SYNE1: variants seen among roughly 807,000 people sequenced by gnomAD.
SYNE1 encodes the protein nesprin-1.
SYNE1 carries 616 observed loss-of-function variants against 1,111.0 expected under a neutral mutation model. That is an observed-to-expected ratio of 0.55 (90% CI 0.52 to 0.59). The LOEUF (loss-of-function observed/expected upper bound fraction) is 0.59. SYNE1 is among the 20% of genes least tolerant of loss of function. SYNE1 has a pLI of 0.00. For synonymous variants in SYNE1, 3,855 were observed against 3,825.8 expected (o/e 1.01, Z -0.28); for missense variants, 10,006 against 10,417.0 (o/e 0.96, Z 1.72).
chr6:152,416,393 T>C lies in SYNE1; in HGVS notation c.6044A>G (p.Gln2015Arg). 1 of 1,614,088 alleles carries C rather than the reference T, an allele frequency of 6.2e-7. No individual in the cohort carries two copies. Among genetic ancestry groups the C allele is most frequent in the Non-Finnish European group, 8.5e-7 (1 of 1,180,048 alleles). The change falls in exon 41 of 146, where the codon CAG becomes CGG. Residue 2015 changes from glutamine (Q) to arginine (R), a missense_variant. Gln to Arg is a conservative substitution (Grantham distance 43). Transcript: ENST00000367255. ...GTGACAGTTTCCTATTTACCTCTGC[T>C]GAAGAGCTTGGCGGGTAGGTTCTTT... is the stretch of plus-strand genomic sequence containing the variant. ...RLKEPTRQAL[Q>R]QRLRVFNQLE...
chr6:152,294,031 G>A lies in SYNE1; in HGVS notation c.17779C>T (p.Pro5927Ser). The change falls in exon 94 of 146, where the codon CCG becomes TCG. Residue 5927 changes from proline (P) to serine (S), a missense_variant. Physicochemically the swap from Pro to Ser is moderately conservative, Grantham distance 74. Transcript: ENST00000367255. Reference sequence around the variant, plus strand: ...GCAGTAGCGGATGGCTCCAATCCCGGTTCATAGAACTCCTGGGATGCGGAT... The same window carrying A: ...GCAGTAGCGGATGGCTCCAATCCCGATTCATAGAACTCCTGGGATGCGGAT... ...STSASQEFYEPGLEPSATAKL... is the reference protein window; with the variant it reads ...STSASQEFYESGLEPSATAKL... 1.2e-6 allele frequency: 2 copies of A among 1,614,062 alleles called. No individual in the cohort carries two copies. Among genetic ancestry groups the A allele is most frequent in the South Asian group, 1.1e-5 (1 of 91,080 alleles).
chr6:152,315,819 G>T (rs553315104), intron 87 of SYNE1: 97 of 152,234 alleles, frequency 6.4e-4, no homozygotes, highest in African/African-American at 2.3e-3. Context: ...GGAAGAATAC[G>T]CAAGATTGAT....
Position 152,391,415 on chromosome 6 carries a change from G to T in SYNE1, c.7866C>A (p.Ala2622=). ...TKEKLRSCQV[A]LQEHEALEEA... ...CCTCCAGGGCTTCGTGCTCCTGAAG[G>T]GCCACCTGGCAGCTCCGGAGTTTCT... The change falls in exon 52 of 146, where the codon GCC becomes GCA. Residue 2622 remains alanine, a synonymous_variant. Coordinates refer to ENST00000367255, the MANE Select transcript of SYNE1 (RefSeq NM_182961.4). The T allele has an allele frequency of 6.2e-7, 1 of 1,613,874 alleles. No homozygotes were observed. Among genetic ancestry groups the T allele is most frequent in the Non-Finnish European group, 8.5e-7 (1 of 1,179,956 alleles).
chr6:152,442,772 C>T (rs2098543614), intron 30 of SYNE1, among the ~76,000 whole-genome samples: 1 of 152,096 alleles, frequency 6.6e-6, no homozygotes, highest in African/African-American at 2.4e-5. Context: ...TAGCAAGACC[C>T]TGTTTCTACA....
chr6:152,409,455 C>T, intron 43 of SYNE1, 104 bp downstream of exon 43: 1 of 1,462,688 alleles, frequency 6.8e-7, no homozygotes, highest in East Asian at 2.4e-5. Context: ...CATGAATTAC[C>T]CACATCTAAG....
intron 9 of SYNE1, among the ~76,000 whole-genome samples, chr6:152,504,525 T>G (rs1039293703): frequency 2.0e-5 from 3 of 152,344 alleles, no homozygotes; most frequent in South Asian, 4.1e-4. Context: ...ACTGTATATT[T>G]ACATTTCTGC....
intron 126 of SYNE1, among the ~76,000 whole-genome samples, chr6:152,202,346 CAAAAAAA>C (rs35563822): frequency 1.9e-4 from 9 of 48,060 alleles, no homozygotes; most frequent in South Asian, 1.5e-3. Context: ...GACTCTGTCT[CAAAAAAA>C]AAAAAAAAAA....
In SYNE1 at chr6:152,183,186, T is replaced by C. The variant is rs1280850478; in HGVS notation, c.23302-2892A>G. ...CTGATCTCTCAGATTGAGAACTCTC[T>C]GGTGAATACGGCCTTTTCCCTTTCA... On this transcript the variant is annotated intron_variant, in intron 128 of 145. Coordinates refer to ENST00000367255, the MANE Select transcript of SYNE1 (RefSeq NM_182961.4). 2.0e-5 allele frequency among the ~76,000 whole-genome samples: 3 copies of C among 152,212 alleles called. No homozygotes were observed. In the East Asian group the frequency reaches 5.8e-4, roughly 29 times the overall value.
At chr6:152,275,880 CAA>C (rs756837860) in intron 98 of SYNE1, among the ~76,000 whole-genome samples, 2 of 86,932 alleles carry the variant, frequency 2.3e-5, no homozygotes, top group Admixed American at 2.4e-4. Flanking sequence ...GACCCTGTCT[CAA>C]AAAAAAAAAA....
At chr6:152,169,669 A>G (rs1332928238) in intron 130 of SYNE1, among the ~76,000 whole-genome samples, 2 of 148,964 alleles carry the variant, frequency 1.3e-5, no homozygotes, top group African/African-American at 4.9e-5. Flanking sequence ...ATCCAGGCAC[A>G]GTGGCATGCA....
intron 45 of SYNE1, among the ~76,000 whole-genome samples, chr6:152,406,598 T>G (rs956286854): frequency 6.6e-6 from 1 of 152,142 alleles, no homozygotes; most frequent in African/African-American, 2.4e-5. Context: ...TCTGGAACAG[T>G]GGCTCACACC....
intron 8 of SYNE1, among the ~76,000 whole-genome samples, chr6:152,509,248 C>CTTTTTTTTTTTTTTTTT: frequency 1.3e-5 from 1 of 75,792 alleles, no homozygotes; most frequent in Non-Finnish European, 2.6e-5. Context: ...TTTTCTTTTT[C>CTTTTTTTTTTTTTTTTT]TTTTTTTTTT....
In SYNE1 at chr6:152,125,422, T is replaced by C. The variant is rs2053059733; in HGVS notation, c.26154-2746A>G. On this transcript the variant is annotated intron_variant, in intron 145 of 145. Transcript: ENST00000367255. ...TGTGTGGACGTGGGGACATTTTGTTTTGAGGCAGTTACATGACCATGGGCA... is the reference window on the plus strand; with the variant it reads ...TGTGTGGACGTGGGGACATTTTGTTCTGAGGCAGTTACATGACCATGGGCA... 4 of 1,491,464 alleles carry C rather than the reference T, an allele frequency of 2.7e-6. No homozygotes were observed. The South Asian group carries it at 5.3e-5, about 20-fold the overall frequency. The allele number at this position is 1,491,464 out of a possible 1,614,324, so 92.4% of individuals were successfully genotyped here. A position where few individuals can be genotyped will look rare whatever the true frequency, so the allele number is the denominator to read the frequency against.
At chr6:152,274,859 G>C (rs1471943456) in intron 98 of SYNE1, among the ~76,000 whole-genome samples, 1 of 152,110 alleles carries the variant, frequency 6.6e-6, no homozygotes, top group Admixed American at 6.5e-5. Context: ...GCCTCCCAAA[G>C]TGCTGGGATT....
Position 152,151,665 on chromosome 6 carries a change from A to C in SYNE1, c.24338T>G (p.Phe8113Cys), listed in dbSNP as rs769930534. 4 of 1,614,022 alleles carry C rather than the reference A, an allele frequency of 2.5e-6. No homozygotes were observed. In the African/African-American group the frequency reaches 5.3e-5, roughly 22 times the overall value. The change falls in exon 135 of 146, where the codon TTT becomes TGT. Residue 8113 changes from phenylalanine (F) to cysteine (C), a missense_variant. Physicochemically the swap from Phe to Cys is radical, Grantham distance 205. Coordinates refer to ENST00000367255, the MANE Select transcript of SYNE1 (RefSeq NM_182961.4). ...CAGAATGCTGTCCCGCGCAGTCTCAAACTCCTCACGCTGGCCAATAAAATG... is the reference window on the plus strand; with the variant it reads ...CAGAATGCTGTCCCGCGCAGTCTCACACTCCTCACGCTGGCCAATAAAATG... ...LKHFIGQREE[F>C]ETARDSILVW...
intron 93 of SYNE1, 123 bp downstream of exon 93, chr6:152,300,518 G>A: frequency 7.4e-7 from 1 of 1,344,910 alleles, no homozygotes; most frequent in Non-Finnish European, 1.1e-6. Context: ...ACACCTAATA[G>A]TGTGTCCCTG....
chr6:152,295,188 T>C (rs943014773), intron 93 of SYNE1, among the ~76,000 whole-genome samples: 11 of 152,224 alleles, frequency 7.2e-5, no homozygotes, highest in African/African-American at 2.4e-4. Flanking sequence ...GGTTCACTCA[T>C]TGGTCCAATC....
chr6:152,154,051 G>A (rs1342269969), intron 133 of SYNE1, among the ~76,000 whole-genome samples: 2 of 152,132 alleles, frequency 1.3e-5, no homozygotes, highest in East Asian at 3.9e-4. Context: ...AATTAGCAAT[G>A]GTCAGAATGC....
intron 9 of SYNE1, among the ~76,000 whole-genome samples, chr6:152,504,093 G>A (rs1182248004): frequency 6.6e-6 from 1 of 152,084 alleles, no homozygotes; most frequent in Non-Finnish European, 1.5e-5. Flanking sequence ...GGATATGAAA[G>A]AATCATGCAT....
Sources: allele counts gnomAD v4.1 joint callset (sites outside exome capture counted in the v4.1 genomes callset), GRCh38; gene constraint gnomAD v4.1.1; transcripts MANE v1.5; gene names NCBI Gene and HGNC (gene_info 2026-07-23, HGNC 2026-07-21).